SEPTIN4: variants seen among roughly 807,000 people sequenced by gnomAD.
The protein encoded by SEPTIN4 is septin 4, also known as septin-4.
Under a neutral mutation model 107.1 loss-of-function variants are expected in SEPTIN4, and 52 were observed. The ratio of observed to expected loss-of-function variants is 0.49; its 90% CI spans 0.39 to 0.61. The LOEUF (loss-of-function observed/expected upper bound fraction) is 0.61. Ranked by LOEUF, SEPTIN4 falls within the 20% of genes least tolerant of loss-of-function variation. The pLI, the probability that SEPTIN4 is intolerant of heterozygous loss-of-function variation, is 0.00. For synonymous variants in SEPTIN4, 417 were observed against 467.0 expected (o/e 0.89, Z 1.38); for missense variants, 1,048 against 1,243.5 (o/e 0.84, Z 2.36).
Position 58,521,479 on chromosome 17 carries a change from A to G in SEPTIN4, c.2571+66T>C. 1 of 1,586,844 alleles carries G rather than the reference A, an allele frequency of 6.3e-7. No homozygotes were observed. Among genetic ancestry groups the G allele is most frequent in the South Asian group, 1.1e-5 (1 of 90,550 alleles). On this transcript the variant is annotated intron_variant, in intron 10 of 13. Coordinates refer to ENST00000672673, the MANE Select transcript of SEPTIN4 (RefSeq NM_001368771.2). The surrounding 1 kb of genome is among the most constrained non-coding windows in gnomAD (Gnocchi z 6.4). ...TCCCACCCTGATAGCCTGAATATAGAATTCTACTCCCTTTTTCTACCCGGA... is the reference window on the plus strand; with the variant it reads ...TCCCACCCTGATAGCCTGAATATAGGATTCTACTCCCTTTTTCTACCCGGA...
At position 58,521,270 on chromosome 17, in the gene SEPTIN4, G is replaced by T; in HGVS notation, c.2652C>A (p.Pro884=). 3 of 1,614,226 alleles carry T rather than the reference G, an allele frequency of 1.9e-6. No homozygotes were observed. The highest frequency in any genetic ancestry group is 2.5e-6 in the Non-Finnish European group (3 of 1,180,028). ...GTGCTTTACCTTCCACGATGCCCCAGGGGTAGAGTCGACCCCGAACTCGCC... is the reference window on the plus strand; with the variant it reads ...GTGCTTTACCTTCCACGATGCCCCATGGGTAGAGTCGACCCCGAACTCGCC... ...RGRRVRGRLY[P]WGIVEVENPG... Residue 884 remains proline (P), a synonymous_variant, in exon 11 of 14, where the codon CCC becomes CCA. Coordinates refer to ENST00000672673, the MANE Select transcript of SEPTIN4 (RefSeq NM_001368771.2). The surrounding 1 kb of genome is among the most constrained non-coding windows in gnomAD (Gnocchi z 6.4).
intron 3 of SEPTIN4, among the ~76,000 whole-genome samples, chr17:58,536,519 T>C (rs2043716891): frequency 6.6e-6 from 1 of 152,210 alleles, no homozygotes; most frequent in South Asian, 2.1e-4. Flanking sequence ...ACACCATCTC[T>C]AGAAAGCTGG....
chr17:58,527,790 A>C, intron 3 of SEPTIN4: 1 of 960,542 alleles, frequency 1.0e-6, no homozygotes, highest in Non-Finnish European at 1.2e-6. Flanking sequence ...ACTGTGAGGG[A>C]CATATAAGGG....
intron 3 of SEPTIN4, chr17:58,529,103 G>C: frequency 6.2e-7 from 1 of 1,614,132 alleles, no homozygotes; most frequent in Non-Finnish European, 8.5e-7. Context: ...ATCTCCCAGA[G>C]CAGCACCTTA....
At position 58,521,924 on chromosome 17, in the gene SEPTIN4, G is replaced by A. The variant is rs747241288; in HGVS notation, c.2351+43C>T. 19 of 1,614,122 alleles carry A rather than the reference G, an allele frequency of 1.2e-5. No individual in the cohort carries two copies. The Admixed American group carries it at 3.2e-4, about 27-fold the overall frequency. On this transcript the variant is annotated intron_variant, in intron 8 of 13. Transcript: ENST00000672673. The surrounding 1 kb of genome is among the most constrained non-coding windows in gnomAD (Gnocchi z 6.4). Reference sequence around the variant, plus strand: ...CCTGGTGCTCTTGGCCTGTTCCCTTGACAGCACCCGGTGGTGCCAGGAGCC... The same window carrying A: ...CCTGGTGCTCTTGGCCTGTTCCCTTAACAGCACCCGGTGGTGCCAGGAGCC...
chr17:58,527,233 C>T (rs2043014272), intron 3 of SEPTIN4: 1 of 716,578 alleles, frequency 1.4e-6, no homozygotes, highest in African/African-American at 1.8e-5. Context: ...CCCCCAGAGC[C>T]CTGGCAACTG....
rs143848009 is a variant in SEPTIN4 at position 58,526,796 on chromosome 17, G to T, written c.1797C>A (p.Pro599=). Residue 599 remains proline, a synonymous_variant, in exon 4 of 14, where the codon CCC becomes CCA. Transcript: ENST00000672673. ...LYDDDLEFRP[P]SRPQSSDNQQ... Reference sequence around the variant, plus strand: ...GGTTGTCAGAGGACTGGGGCCGCGAGGGGGGTCTGAACTCCAGGTCATCAT... The same window carrying T: ...GGTTGTCAGAGGACTGGGGCCGCGATGGGGGTCTGAACTCCAGGTCATCAT... 2 of 1,613,616 alleles carry T rather than the reference G, an allele frequency of 1.2e-6. No individual in the cohort carries two copies. Among genetic ancestry groups the T allele is most frequent in the Non-Finnish European group, 1.7e-6 (2 of 1,179,828 alleles).
In SEPTIN4 at chr17:58,521,480, A is replaced by G. The variant is rs143146434; in HGVS notation, c.2571+65T>C. 1 of 1,588,402 alleles carries G rather than the reference A, an allele frequency of 6.3e-7. No individual in the cohort carries two copies. Among genetic ancestry groups the G allele is most frequent in the African/African-American group, 1.3e-5 (1 of 74,454 alleles). On this transcript the variant is annotated intron_variant, in intron 10 of 13. Coordinates refer to ENST00000672673, the MANE Select transcript of SEPTIN4 (RefSeq NM_001368771.2). The surrounding 1 kb of genome is among the most constrained non-coding windows in gnomAD (Gnocchi z 6.4). ...CCCACCCTGATAGCCTGAATATAGA[A>G]TTCTACTCCCTTTTTCTACCCGGAA... is the stretch of plus-strand genomic sequence containing the variant.
At chr17:58,536,568 C>T (rs2043719503) in intron 3 of SEPTIN4, among the ~76,000 whole-genome samples, 2 of 152,228 alleles carry the variant, frequency 1.3e-5, no homozygotes, top group South Asian at 4.1e-4. Flanking sequence ...TTCCCAGAAA[C>T]AGCCACTGTG....
Position 58,526,994 on chromosome 17 carries a change from T to G in SEPTIN4, c.1615-16A>C, listed in dbSNP as rs767193824. 1 of 1,611,708 alleles carries G rather than the reference T, an allele frequency of 6.2e-7. No homozygotes were observed. The highest frequency in any genetic ancestry group is 1.7e-5 in the Admixed American group (1 of 59,762). ...AACGCTTGATCTGGGGGAAGCGGGGTGGGTAGAATAGATGGGTGGTGCCGG... is the reference window on the plus strand; with the variant it reads ...AACGCTTGATCTGGGGGAAGCGGGGGGGGTAGAATAGATGGGTGGTGCCGG... On this transcript the variant is annotated splice_polypyrimidine_tract_variant and intron_variant, in intron 3 of 13. Coordinates refer to ENST00000672673, the MANE Select transcript of SEPTIN4 (RefSeq NM_001368771.2).
intron 3 of SEPTIN4, 69 bp downstream of exon 3, chr17:58,540,597 C>A (rs1696814333): frequency 6.4e-6 from 8 of 1,243,296 alleles, no homozygotes; most frequent in Non-Finnish European, 8.3e-6. Flanking sequence ...CATTACAGGA[C>A]AGGAGATGGA....
At position 58,520,759 on chromosome 17, in the gene SEPTIN4, C is replaced by G. The variant is rs142959051; in HGVS notation, c.2915G>C (p.Arg972Pro). ...TGCTCTCACCTCCTCATCTTTCTCT[C>G]GGATAAGCTTCTCAGTTTCTGGATC... ...GTDPETEKLI[R>P]EKDEELRRMQ... Residue 972 changes from arginine (R) to proline (P), a missense_variant, in exon 13 of 14, where the codon CGA becomes CCA. Transcript: ENST00000672673. 3.8e-5 allele frequency: 62 copies of G among 1,614,030 alleles called. No homozygotes were observed. The highest frequency in any genetic ancestry group is 5.2e-5 in the Non-Finnish European group (61 of 1,180,048).
intron 7 of SEPTIN4, among the ~76,000 whole-genome samples, chr17:58,523,522 C>G (rs2042506516): frequency 6.6e-6 from 1 of 152,122 alleles, no homozygotes; most frequent in Admixed American, 6.6e-5. Context: ...ATTTAAGTTG[C>G]TATCTGATTG....
Position 58,521,765 on chromosome 17 carries a change from G to T in SEPTIN4, c.2440C>A (p.Pro814Thr). The T allele has an allele frequency of 1.9e-6, 3 of 1,614,258 alleles. No homozygotes were observed. The highest frequency in any genetic ancestry group is 1.3e-5 in the African/African-American group (1 of 75,074). Residue 814 changes from proline to threonine, a missense_variant, in exon 9 of 14, where the codon CCT (proline) becomes ACT (threonine). Transcript: ENST00000672673. This position sits in a 1 kb window ranked among gnomAD's most constrained non-coding sequence, Gnocchi z 6.4. ...PILAKADTLT[P>T]PEVDHKKRKI... ...CGTTTCTTGTGGTCCACTTCGGGAG[G>T]TGTCAGTGTGTCTGCCTTAGCCAGG...
chr17:58,543,209 T>C lies in SEPTIN4; in HGVS notation c.978A>G (p.Arg326=). Residue 326 remains arginine (R), a synonymous_variant, in exon 1 of 14, where the codon CGA becomes CGG. Coordinates refer to ENST00000672673, the MANE Select transcript of SEPTIN4 (RefSeq NM_001368771.2). ...CCCTGCGGCCAACCTCGCTGTTTCC[T>C]CGGATTGGGGTCCTCACGTTGGACT... ...QVESNVRTPI[R]GNSEVGRRVT... is the part of the protein sequence containing the mutation. The C allele has an allele frequency of 1.9e-6, 3 of 1,614,144 alleles. No homozygotes were observed. The highest frequency in any genetic ancestry group is 2.5e-6 in the Non-Finnish European group (3 of 1,180,022).
At chr17:58,542,563 C>G (rs2043909392) in intron 1 of SEPTIN4, 63 bp downstream of exon 1, 1 of 1,542,072 alleles carries the variant, frequency 6.5e-7, no homozygotes. Flanking sequence ...TCTTTCCTGC[C>G]CACCCCAACA....
chr17:58,521,789 G>A lies in SEPTIN4; in HGVS notation c.2416C>T (p.Leu806=), dbSNP rs757251051. 6.2e-7 allele frequency: 1 copy of A among 1,614,108 alleles called. No individual in the cohort carries two copies. The highest frequency in any genetic ancestry group is 1.3e-5 in the African/African-American group (1 of 74,940). The change falls in exon 9 of 14, where the codon CTG becomes TTG. Residue 806 remains leucine (L), a synonymous_variant. Coordinates refer to ENST00000672673, the MANE Select transcript of SEPTIN4 (RefSeq NM_001368771.2). This position sits in a 1 kb window ranked among gnomAD's most constrained non-coding sequence, Gnocchi z 6.4. ...LHQRVNIVPI[L]AKADTLTPPE... ...GGTGTCAGTGTGTCTGCCTTAGCCA[G>A]GATAGGCACGATGTTGACCCGCTGA... is the stretch of plus-strand genomic sequence containing the variant.
At chr17:58,526,337 C>A in intron 4 of SEPTIN4, 24 bp from the exon 5 acceptor site, 1 of 1,521,724 alleles carries the variant, frequency 6.6e-7, no homozygotes, top group Non-Finnish European at 8.8e-7. Context: ...AGGCAGAATG[C>A]ATCACGGTGA....
intron 3 of SEPTIN4, chr17:58,539,093 C>T: frequency 6.7e-7 from 1 of 1,495,762 alleles, no homozygotes; most frequent in South Asian, 1.2e-5. Flanking sequence ...GCACCTGGCC[C>T]ATCTCCATGC....
Sources: gnomAD v4.1 joint callset for allele counts (sites outside exome capture counted in the v4.1 genomes callset) on GRCh38, gnomAD v4.1.1 for gene constraint, Gnocchi (gnomAD v3.1) non-coding constraint, MANE v1.5 for transcripts, NCBI Gene and HGNC (gene_info 2026-07-23, HGNC 2026-07-21) for gene names.